CCDC148: variants seen among roughly 807,000 people sequenced by gnomAD.
The protein encoded by CCDC148 is coiled-coil domain-containing protein 148.
CCDC148 carries 89 observed loss-of-function variants against 85.7 expected under a neutral mutation model. The observed-to-expected ratio is 1.04, with a 90% CI of 0.87 to 1.24. The LOEUF is 1.24. Ranked by LOEUF, CCDC148 falls within the 50% of genes most tolerant of loss-of-function variation. CCDC148 has a pLI of 0.00. For missense variants in CCDC148, 692 were observed against 671.7 expected, an observed-to-expected ratio of 1.03 and a Z score of -0.33; for synonymous variants, 230 against 213.9, an observed-to-expected ratio of 1.08 and a Z score of -0.66.
intron 9 of CCDC148, among the ~76,000 whole-genome samples, chr2:158,278,503 C>T (rs1690078963): frequency 6.6e-6 from 1 of 152,202 alleles, no homozygotes; most frequent in Admixed American, 6.5e-5. Flanking sequence ...GGGTCCTTCA[C>T]CCATGGAGTC....
At chr2:158,228,200 G>T (rs75764556) in intron 10 of CCDC148, among the ~76,000 whole-genome samples, 101,689 of 152,028 alleles carry the variant, frequency 0.67, 34,998 homozygotes, top group East Asian at 0.9. Flanking sequence ...AAAAGACACA[G>T]GAAAAAATGC....
chr2:158,172,768 T>C (rs1304634889), intron 13 of CCDC148, among the ~76,000 whole-genome samples: 2 of 152,100 alleles, frequency 1.3e-5, no homozygotes, highest in African/African-American at 4.8e-5. Context: ...AAGTAGAAAA[T>C]GCCTCCATCG....
intron 11 of CCDC148, among the ~76,000 whole-genome samples, chr2:158,180,297 T>C (rs1282889183): frequency 6.6e-6 from 1 of 152,210 alleles, no homozygotes; most frequent in Non-Finnish European, 1.5e-5. Flanking sequence ...TTTTAGGTCA[T>C]TTAGACCTCA....
intron 1 of CCDC148, among the ~76,000 whole-genome samples, chr2:158,396,610 C>T (rs1685533162): frequency 6.6e-6 from 1 of 152,088 alleles, no homozygotes; most frequent in South Asian, 2.1e-4. Context: ...CATGTTACTA[C>T]TCAGGCAATT....
intron 1 of CCDC148, among the ~76,000 whole-genome samples, chr2:158,430,714 C>A (rs572623268): frequency 6.6e-6 from 1 of 151,884 alleles, no homozygotes; most frequent in East Asian, 1.9e-4. Flanking sequence ...ATCACATGTA[C>A]CCTGAAAAAT....
rs368438847 is a variant in CCDC148 at position 158,303,069 on chromosome 2, C to T, written c.1110+6364G>A. Among the ~76,000 whole-genome samples the T allele has an allele frequency of 4.6e-5, 7 of 152,236 alleles. No homozygotes were observed. In the East Asian group the frequency reaches 9.6e-4, roughly 21 times the overall value. On this transcript the variant is annotated intron_variant, in intron 9 of 13. Coordinates refer to ENST00000283233, the MANE Select transcript of CCDC148 (RefSeq NM_138803.4). ...ACAAAACAGAGACAGAGAAAGAGAGCACGAGAGCATTATTTCAAAATTCCT... is the reference window on the plus strand; with the variant it reads ...ACAAAACAGAGACAGAGAAAGAGAGTACGAGAGCATTATTTCAAAATTCCT...
At chr2:158,349,561 T>A (rs1222091351) in intron 2 of CCDC148, among the ~76,000 whole-genome samples, 1 of 151,998 alleles carries the variant, frequency 6.6e-6, no homozygotes, top group South Asian at 2.1e-4. Flanking sequence ...TGAGTTGTAT[T>A]TAATTTCCAG....
Position 158,456,716 on chromosome 2 carries a change from C to T in CCDC148, c.-277G>A, listed in dbSNP as rs1382651635. The stretch of plus-strand genomic sequence containing the variant: ...ACACCTTCTCTCTCACACCCACCCT[C>T]TCCAGGCCCTCTCGCGCTGAACAGC... On this transcript the variant is annotated 5_prime_UTR_variant, in exon 1 of 14. Coordinates refer to ENST00000283233, the MANE Select transcript of CCDC148 (RefSeq NM_138803.4). 7.0e-5 allele frequency: 35 copies of T among 503,040 alleles called. No homozygotes were observed. The highest frequency in any genetic ancestry group is 1.1e-4 in the Non-Finnish European group (32 of 281,056). The allele number at this position is 503,040 out of a possible 1,614,324, so 31.2% of individuals were successfully genotyped here. A position where few individuals can be genotyped will look rare whatever the true frequency, so the allele number is the denominator to read the frequency against.
At chr2:158,280,442 C>A (rs1046364766) in intron 9 of CCDC148, among the ~76,000 whole-genome samples, 1 of 151,980 alleles carries the variant, frequency 6.6e-6, no homozygotes, top group Admixed American at 6.6e-5. Flanking sequence ...ATGTACCAAG[C>A]AAATGGAAAA....
Position 158,340,319 on chromosome 2 carries a change from G to T in CCDC148, c.409C>A (p.Leu137Ile), listed in dbSNP as rs1418446508. 6.2e-7 allele frequency: 1 copy of T among 1,613,898 alleles called. No individual in the cohort carries two copies. The highest frequency in any genetic ancestry group is 2.2e-5 in the East Asian group (1 of 44,820). ...AAAGTGTGATGCTGTCTGTATTTTA[G>T]ATCTGCTCTCAGCTGCTGAATAGGA... ...INPIQQLRADLKYRQHHTLQH... is the reference protein window; with the variant it reads ...INPIQQLRADIKYRQHHTLQH... Residue 137 changes from leucine to isoleucine, a missense_variant, in exon 5 of 14, where the codon CTA becomes ATA. By Grantham distance (5) the Leu-to-Ile change is conservative (BLOSUM62 2). Coordinates refer to ENST00000283233, the MANE Select transcript of CCDC148 (RefSeq NM_138803.4).
At chr2:158,300,518 A>T (rs1691392378) in intron 9 of CCDC148, among the ~76,000 whole-genome samples, 1 of 152,234 alleles carries the variant, frequency 6.6e-6, no homozygotes, top group South Asian at 2.1e-4. Flanking sequence ...GTTTTCCTGT[A>T]TCAGACATTT....
chr2:158,442,453 T>C (rs1687974744), intron 1 of CCDC148, among the ~76,000 whole-genome samples: 1 of 152,110 alleles, frequency 6.6e-6, no homozygotes, highest in African/African-American at 2.4e-5. Context: ...AAACAAAAAA[T>C]CACGTTTCAA....
At chr2:158,380,963 T>A (rs1220652805) in intron 1 of CCDC148, 1 of 152,042 alleles carries the variant, frequency 6.6e-6, no homozygotes, top group Non-Finnish European at 1.5e-5. Flanking sequence ...GTCACATAGA[T>A]CAAATCCAGA....
chr2:158,323,577 T>C (rs984410472), intron 7 of CCDC148, among the ~76,000 whole-genome samples: 3 of 152,212 alleles, frequency 2.0e-5, no homozygotes, highest in African/African-American at 7.2e-5. Context: ...CTGGCATGTG[T>C]ACATTCTTGA....
intron 1 of CCDC148, among the ~76,000 whole-genome samples, chr2:158,397,206 G>A (rs1685560091): frequency 6.6e-6 from 1 of 152,000 alleles, no homozygotes; most frequent in Non-Finnish European, 1.5e-5. Flanking sequence ...TATGGCATGG[G>A]GAGGATAAGA....
intron 1 of CCDC148, among the ~76,000 whole-genome samples, chr2:158,444,785 G>GAAAAAAAAAAAAAAAAAAAAAAAA (rs11433320): frequency 1.5e-5 from 1 of 66,662 alleles, no homozygotes; most frequent in Non-Finnish European, 2.5e-5. Context: ...ACCCTGTCTT[G>GAAAAAAAAAAAAAAAAAAAAAAAA]AAAAAAAAAA....
At chr2:158,387,865 T>C (rs1473109065) in intron 1 of CCDC148, among the ~76,000 whole-genome samples, 2 of 152,178 alleles carry the variant, frequency 1.3e-5, no homozygotes, top group African/African-American at 2.4e-5. Context: ...CTTACCCGCA[T>C]TGGTCTCTGA....
At chr2:158,333,957 T>A (rs752236714) in intron 7 of CCDC148, among the ~76,000 whole-genome samples, 9 of 152,120 alleles carry the variant, frequency 5.9e-5, no homozygotes, top group Non-Finnish European at 1.2e-4. Flanking sequence ...CCAGTCAATA[T>A]CCAAAAAATA....
At position 158,299,196 on chromosome 2, in the gene CCDC148, A is replaced by G. The variant is rs138711745; in HGVS notation, c.1110+10237T>C. Among the ~76,000 whole-genome samples, 32 of 152,264 alleles carry G rather than the reference A, an allele frequency of 2.1e-4. 2 individuals carry two copies. In the East Asian group the frequency reaches 6.0e-3, roughly 29 times the overall value. Reference sequence around the variant, plus strand: ...GATTTCTCTACTTTGACTAAACTAGAACTCCAAGACCTACACCTCCCCAGG... The same window carrying G: ...GATTTCTCTACTTTGACTAAACTAGGACTCCAAGACCTACACCTCCCCAGG... On this transcript the variant is annotated intron_variant, in intron 9 of 13. Transcript: ENST00000283233.
Sources: allele counts gnomAD v4.1 joint callset (sites outside exome capture counted in the v4.1 genomes callset), GRCh38; gene constraint gnomAD v4.1.1; transcripts MANE v1.5; gene names NCBI Gene and HGNC (gene_info 2026-07-23, HGNC 2026-07-21).